GALNT14: variants seen among roughly 807,000 people sequenced by gnomAD.
The protein encoded by GALNT14 is polypeptide N-acetylgalactosaminyltransferase 14, also known as UDP-GalNAc:polypeptide N-acetylgalactosaminyltransferase 14.
Under a neutral mutation model 77.5 loss-of-function variants are expected in GALNT14, and 60 were observed. That is an observed-to-expected ratio of 0.77 (90% CI 0.63 to 0.96). The LOEUF is 0.96. Ranked by LOEUF, GALNT14 falls within the 40% of genes least tolerant of loss-of-function variation. The pLI is 0.00. For synonymous variants in GALNT14, 280 were observed against 281.7 expected (o/e 0.99, Z 0.06); for missense variants, 710 against 731.0 (o/e 0.97, Z 0.33).
intron 1 of GALNT14, among the ~76,000 whole-genome samples, chr2:31,043,223 TCTCA>T (rs1447686481): frequency 1.3e-5 from 2 of 152,164 alleles, no homozygotes; most frequent in Admixed American, 1.3e-4. Flanking sequence ...AATCTCACTT[TCTCA>T]CTCACCCCCC....
At chr2:30,976,954 G>A (rs1047524151) in intron 2 of GALNT14, among the ~76,000 whole-genome samples, 4 of 152,116 alleles carry the variant, frequency 2.6e-5, no homozygotes, top group African/African-American at 9.7e-5. Flanking sequence ...ATGAGTGAGT[G>A]GTGGGGCCTC....
intron 2 of GALNT14, among the ~76,000 whole-genome samples, chr2:30,976,573 G>C (rs1434008448): frequency 6.6e-6 from 1 of 151,826 alleles, no homozygotes; most frequent in East Asian, 1.9e-4. Context: ...CCGGTACCAA[G>C]CACCACCCAG....
intron 1 of GALNT14, among the ~76,000 whole-genome samples, chr2:31,059,618 T>C (rs1020678803): frequency 6.6e-6 from 1 of 151,998 alleles, no homozygotes; most frequent in Non-Finnish European, 1.5e-5. Flanking sequence ...AGCAGGAGGA[T>C]TGCTTGAGCC....
At chr2:30,906,744 A>C (rs1403451800), downstream of GALNT14, among the ~76,000 whole-genome samples, 1 of 152,212 alleles carries the variant, frequency 6.6e-6, no homozygotes, top group Admixed American at 6.5e-5. Context: ...ACCCCAAATC[A>C]ACAGAATATA....
At chr2:30,925,776 A>C (rs1665333299) in intron 11 of GALNT14, among the ~76,000 whole-genome samples, 1 of 152,178 alleles carries the variant, frequency 6.6e-6, no homozygotes, top group Non-Finnish European at 1.5e-5. Context: ...GATGAAACTG[A>C]TGGGTTCTAA....
rs140022290 is a variant in GALNT14 at position 30,992,639 on chromosome 2, T to G, written c.299+199A>C. Among the ~76,000 whole-genome samples the G allele has an allele frequency of 5.9e-3, 900 of 152,328 alleles. 10 individuals are homozygous for G. Among genetic ancestry groups the G allele is most frequent in the Middle Eastern group, 0.037 (11 of 294 alleles). On this transcript the variant is annotated intron_variant, in intron 2 of 14. Transcript: ENST00000349752. ...GCCTCCTGGTGGGACCTGCGGGGTT[T>G]GGGATTGCTCTCAGCAGTAAGCAGT... is the stretch of plus-strand genomic sequence containing the variant.
intron 4 of GALNT14, among the ~76,000 whole-genome samples, chr2:30,957,453 G>C (rs1397573000): frequency 6.6e-6 from 1 of 152,066 alleles, no homozygotes; most frequent in African/African-American, 2.4e-5. Flanking sequence ...TTCAGTGCCA[G>C]GCTACCCCTC....
rs1467184275 is a variant in GALNT14 at position 31,119,947 on chromosome 2, G to C, written c.129+18011C>G. 2.6e-5 allele frequency among the ~76,000 whole-genome samples: 2 copies of C among 76,266 alleles called. 1 individual carries two copies. The highest frequency in any genetic ancestry group is 7.5e-5 in the Non-Finnish European group (2 of 26,616). 50.0% of individuals were successfully genotyped at this position (76,266 alleles called of 152,430 possible). A position where few individuals can be genotyped will look rare whatever the true frequency, so the allele number is the denominator to read the frequency against. ...CGAGGCGGGCGGATCACGAGGTCAG[G>C]AGATCGAGACCATCCTGGCTAACAA... On this transcript the variant is annotated intron_variant, in intron 1 of 14. Transcript: ENST00000349752.
At chr2:31,123,100 T>C (rs1165168341) in intron 1 of GALNT14, among the ~76,000 whole-genome samples, 1 of 141,232 alleles carries the variant, frequency 7.1e-6, no homozygotes, top group African/African-American at 2.7e-5. Flanking sequence ...GAGGACGGCA[T>C]GAACTCAGGA....
At chr2:30,894,594 C>G in the GALNT14 span, among the ~76,000 whole-genome samples, 84 of 152,324 alleles carry the variant, frequency 5.5e-4, no homozygotes, top group African/African-American at 1.9e-3. Flanking sequence ...TTCCCAGCAG[C>G]TGAAGGGATG....
intron 1 of GALNT14, among the ~76,000 whole-genome samples, chr2:31,124,343 A>C (rs1678581153): frequency 6.6e-6 from 1 of 152,182 alleles, no homozygotes; most frequent in Non-Finnish European, 1.5e-5. Context: ...CTTTTGAGTC[A>C]AAGTGGAAAG....
intron 1 of GALNT14, among the ~76,000 whole-genome samples, chr2:31,120,511 T>C (rs1317566807): frequency 6.6e-6 from 1 of 152,198 alleles, no homozygotes; most frequent in Non-Finnish European, 1.5e-5. Context: ...TCTCTACAAC[T>C]TTTTTCAACG....
chr2:31,028,073 G>A (rs988956352), intron 1 of GALNT14, among the ~76,000 whole-genome samples: 1 of 152,232 alleles, frequency 6.6e-6, no homozygotes, highest in African/African-American at 2.4e-5. Flanking sequence ...CATCTTTAAT[G>A]CTAAATATCC....
chr2:31,097,084 T>G (rs1367332949), intron 1 of GALNT14, among the ~76,000 whole-genome samples: 2 of 152,088 alleles, frequency 1.3e-5, no homozygotes, highest in Admixed American at 6.6e-5. Context: ...GGTCTCTGTA[T>G]AGTAGCCAGT....
intron 1 of GALNT14, among the ~76,000 whole-genome samples, chr2:31,092,299 G>A (rs894294917): frequency 6.6e-6 from 1 of 150,502 alleles, no homozygotes; most frequent in Non-Finnish European, 1.5e-5. Flanking sequence ...TATTAGTTCT[G>A]TCCCTTTAGA....
At chr2:31,120,105 G>C (rs1280924317) in intron 1 of GALNT14, among the ~76,000 whole-genome samples, 1 of 70,422 alleles carries the variant, frequency 1.4e-5, no homozygotes, top group Non-Finnish European at 3.9e-5. Flanking sequence ...GCAGTGAGCC[G>C]AGATCGCGCC....
chr2:30,989,462 T>G (rs1669520115), intron 2 of GALNT14, among the ~76,000 whole-genome samples: 2 of 150,592 alleles, frequency 1.3e-5, no homozygotes, highest in African/African-American at 4.9e-5. Flanking sequence ...AACCTCTCCT[T>G]CCATTCCTGG....
At chr2:31,046,479 C>T (rs1673470185) in intron 1 of GALNT14, among the ~76,000 whole-genome samples, 1 of 152,158 alleles carries the variant, frequency 6.6e-6, no homozygotes, top group Middle Eastern at 3.2e-3. Context: ...CCACCCGCCT[C>T]GGCATCCCTA....
intron 1 of GALNT14, among the ~76,000 whole-genome samples, chr2:31,081,802 A>G (rs1268288689): frequency 6.6e-6 from 1 of 152,216 alleles, no homozygotes; most frequent in Non-Finnish European, 1.5e-5. Flanking sequence ...AAATTATATC[A>G]AAAATGAATG....
Sources: gnomAD v4.1 joint callset for allele counts (sites outside exome capture counted in the v4.1 genomes callset) on GRCh38, gnomAD v4.1.1 for gene constraint, MANE v1.5 for transcripts, NCBI Gene and HGNC (gene_info 2026-07-23, HGNC 2026-07-21) for gene names.